Variants in CMC1 observed in about 807,000 individuals in gnomAD.
CMC1 encodes the protein C-X9-C motif containing 1.
Under a neutral mutation model 14.1 loss-of-function variants are expected in CMC1, and 14 were observed. The ratio of observed to expected loss-of-function variants is 0.99; its 90% CI spans 0.66 to 1.55. The LOEUF is 1.55. Ranked by LOEUF, CMC1 falls within the 40% of genes most tolerant of loss-of-function variation. The pLI is 0.00. For synonymous variants in CMC1, 50 were observed against 38.4 expected (o/e 1.30, Z -1.12); for missense variants, 127 against 123.8 (o/e 1.03, Z -0.12).
At chr3:28,271,656 CT>C (rs1013206124) in intron 2 of CMC1, among the ~76,000 whole-genome samples, 13 of 152,222 alleles carry the variant, frequency 8.5e-5, no homozygotes, top group African/African-American at 2.4e-4. Flanking sequence ...GTTCTTTTTG[CT>C]TAGGATTGTC....
intron 1 of CMC1, among the ~76,000 whole-genome samples, chr3:28,254,328 A>G (rs1480658257): frequency 6.6e-6 from 1 of 152,212 alleles, no homozygotes; most frequent in Non-Finnish European, 1.5e-5. Flanking sequence ...CAAAAATTAT[A>G]ATTAATAAAT....
intron 3 of CMC1, chr3:28,318,257 C>G (rs1178469703): frequency 6.6e-6 from 1 of 151,692 alleles, no homozygotes; most frequent in Non-Finnish European, 1.5e-5. Context: ...GATCTGATTT[C>G]TGTCCTCACA....
chr3:28,305,504 AG>A (rs985399090), intron 2 of CMC1, among the ~76,000 whole-genome samples: 2 of 152,148 alleles, frequency 1.3e-5, no homozygotes, highest in African/African-American at 4.8e-5. Flanking sequence ...TGCTTTCCAC[AG>A]GGATTGAACT....
chr3:28,248,334 C>G (rs996494763), intron 1 of CMC1, among the ~76,000 whole-genome samples: 1 of 152,162 alleles, frequency 6.6e-6, no homozygotes, highest in Admixed American at 6.5e-5. Flanking sequence ...GCCACCTCCT[C>G]CCAGGGAGGT....
chr3:28,276,877 C>A (rs1260010023), intron 2 of CMC1, among the ~76,000 whole-genome samples: 1 of 152,164 alleles, frequency 6.6e-6, no homozygotes, highest in Non-Finnish European at 1.5e-5. Flanking sequence ...TTTTGAGGGT[C>A]TGGGGACAGA....
At chr3:28,242,458 G>C (rs1698578024) in intron 1 of CMC1, among the ~76,000 whole-genome samples, 1 of 152,198 alleles carries the variant, frequency 6.6e-6, no homozygotes, top group South Asian at 2.1e-4. Flanking sequence ...GGGAATGGTA[G>C]TTGGTCTAGT....
At chr3:28,316,477 G>A (rs1350748456) in intron 3 of CMC1, 54 bp downstream of exon 3, 1 of 977,848 alleles carries the variant, frequency 1.0e-6, no homozygotes, top group Non-Finnish European at 1.5e-6. Context: ...GTAGATAAGA[G>A]TATGTTACTT....
intron 2 of CMC1, among the ~76,000 whole-genome samples, chr3:28,267,993 C>G (rs1031513377): frequency 6.6e-6 from 1 of 152,172 alleles, no homozygotes; most frequent in Non-Finnish European, 1.5e-5. Flanking sequence ...CCAGTATTAA[C>G]TAATGCTGAA....
At chr3:28,284,859 G>A (rs556381390) in intron 2 of CMC1, among the ~76,000 whole-genome samples, 67 of 152,142 alleles carry the variant, frequency 4.4e-4, no homozygotes, top group African/African-American at 1.6e-3. Context: ...AGGATTCTTA[G>A]CAAACTCTTA....
At chr3:28,243,345 C>A (rs550103222) in intron 1 of CMC1, among the ~76,000 whole-genome samples, 1 of 152,062 alleles carries the variant, frequency 6.6e-6, no homozygotes. Context: ...TGTGAGCCAC[C>A]GCACCCAGCC....
At chr3:28,269,450 AACTTT>A (rs71626508) in intron 2 of CMC1, among the ~76,000 whole-genome samples, 36,540 of 151,978 alleles carry the variant, frequency 0.24, 4,552 homozygotes, top group Admixed American at 0.29. Context: ...AAATAAATGA[AACTTT>A]ACTTTAAGTT....
At chr3:28,242,337 TC>T (rs1263275776) in intron 1 of CMC1, among the ~76,000 whole-genome samples, 1 of 152,228 alleles carries the variant, frequency 6.6e-6, no homozygotes, top group Non-Finnish European at 1.5e-5. Flanking sequence ...TCCAGCCACT[TC>T]CGTTTGCAGC....
chr3:28,279,022 T>C (rs1226994592), intron 2 of CMC1, among the ~76,000 whole-genome samples: 1 of 152,102 alleles, frequency 6.6e-6, no homozygotes, highest in Admixed American at 6.6e-5. Context: ...TTATAAAGAG[T>C]TCTGTTTTTG....
intron 1 of CMC1, 52 bp from the exon 2 acceptor site, chr3:28,263,239 A>T: frequency 7.6e-7 from 1 of 1,309,324 alleles, no homozygotes; most frequent in Non-Finnish European, 1.1e-6. Flanking sequence ...TTTTTCCTTT[A>T]ATCTGGTGAT....
intron 2 of CMC1, among the ~76,000 whole-genome samples, chr3:28,308,620 G>T (rs1339790442): frequency 1.3e-5 from 2 of 152,108 alleles, no homozygotes; most frequent in African/African-American, 4.8e-5. Context: ...ATTTTCTTTA[G>T]ATTTTTGGAG....
At chr3:28,243,890 C>T (rs965340787) in intron 1 of CMC1, among the ~76,000 whole-genome samples, 1 of 152,104 alleles carries the variant, frequency 6.6e-6, no homozygotes, top group Admixed American at 6.6e-5. Flanking sequence ...AAAATAATGT[C>T]ATGTGGTAGA....
At chr3:28,317,995 G>C (rs1347673990) in intron 3 of CMC1, 3 of 151,844 alleles carry the variant, frequency 2.0e-5, no homozygotes, top group Non-Finnish European at 4.4e-5. Flanking sequence ...GTTTAGAAGA[G>C]ATAAGCAGTG....
At chr3:28,286,224 G>C (rs796707093) in intron 2 of CMC1, among the ~76,000 whole-genome samples, 1 of 152,096 alleles carries the variant, frequency 6.6e-6, no homozygotes, top group Non-Finnish European at 1.5e-5. Context: ...TGCTATGTCA[G>C]TATTTTGTGT....
At chr3:28,313,546 A>G (rs1702745766) in intron 2 of CMC1, among the ~76,000 whole-genome samples, 1 of 152,230 alleles carries the variant, frequency 6.6e-6, no homozygotes, top group Non-Finnish European at 1.5e-5. Context: ...CAACATCACT[A>G]TTATATGAAT....
Sources: allele counts gnomAD v4.1 joint callset (sites outside exome capture counted in the v4.1 genomes callset), GRCh38; gene constraint gnomAD v4.1.1; transcripts MANE v1.5; gene names NCBI Gene and HGNC (gene_info 2026-07-23, HGNC 2026-07-21).